Variants in FOXP1 observed in about 807,000 individuals in gnomAD.
FOXP1 encodes forkhead box protein P1.
In FOXP1, 15 loss-of-function variants were observed where a neutral mutation model predicts 98.2. That is an observed-to-expected ratio of 0.15 (90% CI 0.10 to 0.24). The LOEUF is 0.24. Among genes scored for constraint, FOXP1 ranks in the 10% least tolerant of loss-of-function variants. The probability of loss-of-function intolerance (pLI) is 1.00; values close to 1 mark genes in which losing one functional copy is unlikely to be tolerated. For synonymous variants in FOXP1, 371 were observed against 314.5 expected (o/e 1.18, Z -1.90); for missense variants, 633 against 848.5 (o/e 0.75, Z 3.15).
At chr3:71,225,133 C>A (rs1350915743) in intron 5 of FOXP1, among the ~76,000 whole-genome samples, 1 of 152,174 alleles carries the variant, frequency 6.6e-6, no homozygotes, top group Non-Finnish European at 1.5e-5. Context: ...TTCAATGATA[C>A]AAAGGCACTA....
At chr3:71,423,660 C>T (rs146175060) in intron 3 of FOXP1, among the ~76,000 whole-genome samples, 27 of 152,344 alleles carry the variant, frequency 1.8e-4, no homozygotes, top group African/African-American at 6.3e-4. Flanking sequence ...ATGGGGCCAA[C>T]ACAGGGGCCT....
intron 3 of FOXP1, among the ~76,000 whole-genome samples, chr3:71,422,709 C>A (rs1180595643): frequency 6.6e-6 from 1 of 152,226 alleles, no homozygotes; most frequent in African/African-American, 2.4e-5. Flanking sequence ...ACTGGTAGTG[C>A]TGTACAGCTC....
At chr3:71,475,403 G>A (rs1333701090) in intron 3 of FOXP1, among the ~76,000 whole-genome samples, 4 of 152,132 alleles carry the variant, frequency 2.6e-5, no homozygotes, top group Non-Finnish European at 5.9e-5. Flanking sequence ...CATGGCAATC[G>A]GGGAAAGGGA....
At chr3:71,392,214 T>G (rs1298946613) in intron 3 of FOXP1, among the ~76,000 whole-genome samples, 2 of 152,196 alleles carry the variant, frequency 1.3e-5, no homozygotes, top group African/African-American at 4.8e-5. Flanking sequence ...AAACATTACT[T>G]TTTCACCACA....
At chr3:71,072,034 A>T (rs1471590744) in intron 7 of FOXP1, among the ~76,000 whole-genome samples, 1 of 152,220 alleles carries the variant, frequency 6.6e-6, no homozygotes, top group East Asian at 1.9e-4. Context: ...AAACTACCAG[A>T]AATAGGGCTG....
chr3:71,064,806 T>A (rs1055373476), intron 7 of FOXP1: 3 of 984,362 alleles, frequency 3.0e-6, no homozygotes, highest in South Asian at 4.7e-5. Context: ...CCGGCAAAGA[T>A]CAATCAGAAG....
Position 71,406,405 on chromosome 3 carries a change from G to GTGTATATATATATA in FOXP1, c.-167-47162_-167-47161insTATATATATATACA, listed in dbSNP as rs1347753258. ...TAATTGACACATAATAACTGTATGTGTATATATATATATATATATGGTACA... is the reference window on the plus strand; with the variant it reads ...TAATTGACACATAATAACTGTATGTGTGTATATATATATATATATATATATATATATATGGTACA... On this transcript the variant is annotated intron_variant, in intron 3 of 20. Coordinates refer to ENST00000649528, the MANE Select transcript of FOXP1 (RefSeq NM_001349338.3). Among the ~76,000 whole-genome samples the GTGTATATATATATA allele has an allele frequency of 3.8e-5, 4 of 105,946 alleles. 1 individual carries two copies. Among genetic ancestry groups the GTGTATATATATATA allele is most frequent in the Non-Finnish European group, 8.9e-5 (4 of 44,966 alleles). 69.5% of individuals were successfully genotyped at this position (105,946 alleles called of 152,430 possible).
chr3:71,234,393 G>A (rs2066599502), intron 5 of FOXP1, among the ~76,000 whole-genome samples: 1 of 152,228 alleles, frequency 6.6e-6, no homozygotes, highest in South Asian at 2.1e-4. Context: ...ACCAAAGACT[G>A]TCCTTCCAAA....
chr3:71,454,378 A>T (rs986229623), intron 3 of FOXP1, among the ~76,000 whole-genome samples: 2 of 152,180 alleles, frequency 1.3e-5, no homozygotes, highest in African/African-American at 4.8e-5. Flanking sequence ...AGACGTGGTT[A>T]CCCACTGAAG....
In FOXP1 at chr3:70,977,034, G is replaced by A. The variant is rs191080383; in HGVS notation, c.1437C>T (p.Leu479=). Reference sequence around the variant, plus strand: ...GTGTTAGCTGCTTTTCTGGAGATTCGAGAATGGCCTGTGAAGCAGAATGTA... The same window carrying A: ...GTGTTAGCTGCTTTTCTGGAGATTCAAGAATGGCCTGTGAAGCAGAATGTA... ...TYASLIRQAI[L]ESPEKQLTLN... Residue 479 remains leucine (L), a synonymous_variant, in exon 17 of 21, where the codon CTC becomes CTT. Transcript: ENST00000649528. The A allele has an allele frequency of 9.9e-6, 16 of 1,610,148 alleles. No homozygotes were observed. The East Asian group carries it at 2.2e-4, about 22-fold the overall frequency.
chr3:71,025,635 CG>C (rs2046017189), intron 11 of FOXP1, among the ~76,000 whole-genome samples: 2 of 152,044 alleles, frequency 1.3e-5, no homozygotes, highest in South Asian at 4.2e-4. Context: ...GTTTTTTAAA[CG>C]TAACAAAACA....
chr3:71,273,295 G>A (rs1316964956), intron 5 of FOXP1, among the ~76,000 whole-genome samples: 4 of 152,172 alleles, frequency 2.6e-5, no homozygotes, highest in Non-Finnish European at 5.9e-5. Context: ...TTTGCATCCG[G>A]CCCTGTCCTC....
intron 3 of FOXP1, among the ~76,000 whole-genome samples, chr3:71,453,886 CAA>C (rs1213786450): frequency 3.3e-5 from 5 of 152,118 alleles, no homozygotes; most frequent in Non-Finnish European, 5.9e-5. Context: ...CCTTTTTATG[CAA>C]AGAGTATCTT....
intron 2 of FOXP1, among the ~76,000 whole-genome samples, chr3:71,502,267 C>G (rs1199715130): frequency 2.6e-5 from 4 of 152,192 alleles, no homozygotes; most frequent in African/African-American, 4.8e-5. Context: ...AGTGGCGGCC[C>G]GGTCCCCAAG....
intron 3 of FOXP1, among the ~76,000 whole-genome samples, chr3:71,377,643 A>T (rs1451465831): frequency 1.3e-5 from 2 of 152,200 alleles, no homozygotes; most frequent in Non-Finnish European, 2.9e-5. Flanking sequence ...CAACTATACT[A>T]TCACACTTCA....
chr3:71,019,476 G>C (rs1160724137), intron 11 of FOXP1, among the ~76,000 whole-genome samples: 1 of 152,170 alleles, frequency 6.6e-6, no homozygotes, highest in Non-Finnish European at 1.5e-5. Flanking sequence ...CTCCCAGGTT[G>C]AATATTCCTA....
intron 19 of FOXP1, chr3:70,969,176 A>G (rs2035636695): frequency 6.8e-6 from 1 of 147,354 alleles, no homozygotes; most frequent in African/African-American, 2.5e-5. Context: ...TTGTAATCTT[A>G]ATACTATTCC....
chr3:71,041,558 A>T, intron 10 of FOXP1, 26 bp from the exon 11 acceptor site: 9 of 1,604,084 alleles, frequency 5.6e-6, no homozygotes, highest in Non-Finnish European at 7.7e-6. Context: ...TGGATAATTA[A>T]ATCAATTAAC....
intron 5 of FOXP1, among the ~76,000 whole-genome samples, chr3:71,246,707 A>G (rs1431427945): frequency 6.6e-6 from 1 of 152,232 alleles, no homozygotes; most frequent in East Asian, 1.9e-4. Context: ...AAAATCAATA[A>G]ATCACACGAA....
Sources: gnomAD v4.1 joint callset for allele counts (sites outside exome capture counted in the v4.1 genomes callset) on GRCh38, gnomAD v4.1.1 for gene constraint, MANE v1.5 for transcripts, NCBI Gene and HGNC (gene_info 2026-07-23, HGNC 2026-07-21) for gene names.